Variants in ZNF737 observed in about 807,000 individuals in gnomAD.
ZNF737 encodes zinc finger protein 102 (Y3).
In ZNF737, 13 loss-of-function variants were observed where a neutral mutation model predicts 11.7. That is an observed-to-expected ratio of 1.11 (90% CI 0.73 to 1.77). The LOEUF is 1.77. Ranked by LOEUF, ZNF737 falls within the 40% of genes most tolerant of loss-of-function variation. The pLI is 0.00. For missense variants in ZNF737, 636 were observed against 638.0 expected (o/e 1.00, Z 0.03); for synonymous variants, 217 against 216.2 (o/e 1.00, Z -0.03).
At position 20,544,285 on chromosome 19, in the gene ZNF737, T is replaced by C; in HGVS notation, c.*307A>G. On this transcript the variant is annotated 3_prime_UTR_variant, in exon 4 of 4. Transcript: ENST00000427401. ...TGTAGGGTTTATGTTCCATATAAATTCTCATATTTAGTAAAAGTTGATAGC... is the reference window on the plus strand; with the variant it reads ...TGTAGGGTTTATGTTCCATATAAATCCTCATATTTAGTAAAAGTTGATAGC... The C allele has an allele frequency of 3.4e-6, 4 of 1,193,060 alleles. No individual in the cohort carries two copies. The highest frequency in any genetic ancestry group is 4.2e-6 in the Non-Finnish European group (4 of 961,140). 73.9% of individuals were successfully genotyped at this position (1,193,060 alleles called of 1,614,324 possible).
intron 3 of ZNF737, among the ~76,000 whole-genome samples, chr19:20,547,319 T>A (rs782062253): frequency 1.8e-4 from 26 of 146,740 alleles, no homozygotes; most frequent in Non-Finnish European, 3.1e-4. Context: ...AGGCGGAGCT[T>A]GCAGTAAGCT....
chr19:20,551,968 A>G (rs1334275201), intron 3 of ZNF737, among the ~76,000 whole-genome samples: 1 of 151,858 alleles, frequency 6.6e-6, no homozygotes, highest in African/African-American at 2.4e-5. Flanking sequence ...AATCTTGAAA[A>G]AAAAAAAGAA....
chr19:20,546,816 G>A (rs1968471145), intron 3 of ZNF737, among the ~76,000 whole-genome samples: 1 of 152,092 alleles, frequency 6.6e-6, no homozygotes, highest in Non-Finnish European at 1.5e-5. Context: ...GGAGGCTGAG[G>A]TTACAATGAG....
intron 1 of ZNF737, among the ~76,000 whole-genome samples, chr19:20,558,633 A>G (rs1968975991): frequency 6.6e-6 from 1 of 152,202 alleles, no homozygotes; most frequent in Non-Finnish European, 1.5e-5. Context: ...CCAACCAAAG[A>G]CACCTCTTGT....
At chr19:20,560,359 T>C (rs559899275) in intron 1 of ZNF737, among the ~76,000 whole-genome samples, 2 of 149,394 alleles carry the variant, frequency 1.3e-5, no homozygotes, top group African/African-American at 4.9e-5. Context: ...AAAAATAAAA[T>C]GAAATAAAAG....
At chr19:20,564,657 A>T (rs1220931516) in intron 1 of ZNF737, among the ~76,000 whole-genome samples, 6 of 151,984 alleles carry the variant, frequency 3.9e-5, no homozygotes, top group South Asian at 2.1e-4. Flanking sequence ...TCTCAAAAAA[A>T]AAAAAATAAA....
chr19:20,553,005 C>CT (rs1968747071), intron 2 of ZNF737, among the ~76,000 whole-genome samples: 1 of 144,546 alleles, frequency 6.9e-6, no homozygotes, highest in African/African-American at 2.5e-5. Context: ...GAGTGAGACT[C>CT]TGTCCCCGAA....
chr19:20,560,310 T>G (rs1464620190), intron 1 of ZNF737, among the ~76,000 whole-genome samples: 1 of 151,876 alleles, frequency 6.6e-6, no homozygotes. Context: ...TATCATGCCA[T>G]GGCACTCTAG....
intron 1 of ZNF737, among the ~76,000 whole-genome samples, chr19:20,557,720 G>A (rs1219217723): frequency 6.6e-6 from 1 of 151,218 alleles, no homozygotes; most frequent in Admixed American, 6.6e-5. Context: ...GGGTTCAAGT[G>A]ATTCTTCTCT....
In ZNF737 at chr19:20,552,533, C is replaced by T; in HGVS notation, c.168G>A (p.Leu56=). ...VVSKPDLITC[L]EQGKKPLTMK... is the part of the protein sequence containing the mutation. The stretch of plus-strand genomic sequence containing the variant: ...TGGTCAAAGGTTTTTTTCCTTGCTC[C>T]AGACAGGTGATGAGGTCTGGCTTAG... Residue 56 remains leucine, a synonymous_variant, in exon 3 of 4, where the codon CTG becomes CTA. Coordinates refer to ENST00000427401, the MANE Select transcript of ZNF737 (RefSeq NM_001159293.2). 6.3e-7 allele frequency: 1 copy of T among 1,593,816 alleles called. No homozygotes were observed. Among genetic ancestry groups the T allele is most frequent in the Non-Finnish European group, 8.5e-7 (1 of 1,173,162 alleles).
At chr19:20,558,671 C>T (rs1968977328) in intron 1 of ZNF737, among the ~76,000 whole-genome samples, 1 of 152,196 alleles carries the variant, frequency 6.6e-6, no homozygotes, top group Non-Finnish European at 1.5e-5. Context: ...CACAGGATGA[C>T]TCATTTCCCT....
At chr19:20,537,157 CGT>C (rs140893049), downstream of ZNF737, among the ~76,000 whole-genome samples, 3,450 of 151,738 alleles carry the variant, frequency 0.023, 138 homozygotes, top group African/African-American at 0.079. Context: ...TTGCTACACA[CGT>C]GTCAAACACT....
Position 20,539,639 on chromosome 19 carries a change from T to C in ZNF737, c.*4953A>G. 2.1e-6 allele frequency: 2 copies of C among 943,394 alleles called. No homozygotes were observed. Among genetic ancestry groups the C allele is most frequent in the South Asian group, 9.8e-5 (2 of 20,372 alleles). 58.4% of individuals were successfully genotyped at this position (943,394 alleles called of 1,614,324 possible). A position where few individuals can be genotyped will look rare whatever the true frequency, so the allele number is the denominator to read the frequency against. On this transcript the variant is annotated 3_prime_UTR_variant, in exon 4 of 4. Transcript: ENST00000427401. ...AATGTGTTTACAGTTTAATCTTGTA[T>C]TACAGTATAGTAGAATCCTCTATAA...
At position 20,565,623 on chromosome 19, in the gene ZNF737, G is replaced by C; in HGVS notation, c.3+15C>G. The C allele has an allele frequency of 6.2e-7, 1 of 1,614,186 alleles. No homozygotes were observed. Among genetic ancestry groups the C allele is most frequent in the Non-Finnish European group, 8.5e-7 (1 of 1,180,026 alleles). ...CCTATCCCCCTCTCTCGGGATGTCGGACCGGCACTCTCACCATTTCTAGGC... is the reference window on the plus strand; with the variant it reads ...CCTATCCCCCTCTCTCGGGATGTCGCACCGGCACTCTCACCATTTCTAGGC... On this transcript the variant is annotated intron_variant, in intron 1 of 3. Coordinates refer to ENST00000427401, the MANE Select transcript of ZNF737 (RefSeq NM_001159293.2).
At position 20,553,712 on chromosome 19, in the gene ZNF737, G is replaced by A; in HGVS notation, c.127C>T (p.Leu43Phe). ...MLENYRNLVF[L>F]GIVVSKPDLI... ...TATGTATTAAAGTTTTTCTCACCAAGGAAGACCAGGTTTCTGTAGTTCTCT... is the reference window on the plus strand; with the variant it reads ...TATGTATTAAAGTTTTTCTCACCAAAGAAGACCAGGTTTCTGTAGTTCTCT... The change falls in exon 2 of 4, where the codon CTT becomes TTT. Residue 43 changes from leucine (L) to phenylalanine (F), a missense_variant. By Grantham distance (22) the Leu-to-Phe change is conservative. Coordinates refer to ENST00000427401, the MANE Select transcript of ZNF737 (RefSeq NM_001159293.2). 1 of 1,613,376 alleles carries A rather than the reference G, an allele frequency of 6.2e-7. No homozygotes were observed. The highest frequency in any genetic ancestry group is 2.2e-5 in the East Asian group (1 of 44,864).
chr19:20,533,506 A>AT (rs1967879718), downstream of ZNF737, among the ~76,000 whole-genome samples: 1 of 150,062 alleles, frequency 6.7e-6, no homozygotes, highest in Non-Finnish European at 1.5e-5. Context: ...TAATGTATAC[A>AT]TATAATATTC....
chr19:20,531,181 C>G (rs1332307023), downstream of ZNF737, among the ~76,000 whole-genome samples: 1 of 136,330 alleles, frequency 7.3e-6, no homozygotes, highest in Non-Finnish European at 1.5e-5. Context: ...GGCAGCAGCA[C>G]AGTCCAGCTT....
At chr19:20,534,804 A>T (rs1555753536), downstream of ZNF737, among the ~76,000 whole-genome samples, 1 of 149,962 alleles carries the variant, frequency 6.7e-6, no homozygotes, top group Non-Finnish European at 1.5e-5. Flanking sequence ...TGTAGCATTC[A>T]TGTTGGGTGA....
rs374973460 is a variant in ZNF737, at chr19:20,565,748, T to C, written c.-108A>G. 1.7e-5 allele frequency: 26 copies of C among 1,549,448 alleles called. No homozygotes were observed. The highest frequency in any genetic ancestry group is 5.6e-5 in the South Asian group (5 of 89,634). ...TCTAGGAGCAGAGGACACACAGCAG[T>C]GAAGACAAGACCTGGAGCTCCGGCT... On this transcript the variant is annotated 5_prime_UTR_variant, in exon 1 of 4. Coordinates refer to ENST00000427401, the MANE Select transcript of ZNF737 (RefSeq NM_001159293.2).
Sources: gnomAD v4.1 joint callset for allele counts (sites outside exome capture counted in the v4.1 genomes callset) on GRCh38, gnomAD v4.1.1 for gene constraint, MANE v1.5 for transcripts, NCBI Gene and HGNC (gene_info 2026-07-23, HGNC 2026-07-21) for gene names.